The following USP8 variants were observed in gnomAD, a reference collection of about 807,000 sequenced individuals.
USP8 encodes ubiquitin carboxyl-terminal hydrolase 8.
USP8 carries 27 observed loss-of-function variants against 130.0 expected under a neutral mutation model. That is an observed-to-expected ratio of 0.21 (90% confidence interval 0.15 to 0.29). USP8 has a LOEUF of 0.29. USP8 is among the 10% of genes least tolerant of loss of function. The pLI is 1.00. For synonymous variants in USP8, 392 were observed against 444.1 expected (o/e 0.88, Z 1.48); for missense variants, 1,029 against 1,312.2 (o/e 0.78, Z 3.33).
chr15:50,433,356 G>C (rs1481114843), intron 1 of USP8, among the ~76,000 whole-genome samples: 9 of 152,218 alleles, frequency 5.9e-5, no homozygotes, highest in Non-Finnish European at 1.3e-4. Context: ...TATTGTTGCT[G>C]CCTAAGGGCA....
In USP8 at chr15:50,500,560, A is replaced by G; in HGVS notation, c.*1472A>G. On this transcript the variant is annotated 3_prime_UTR_variant, in exon 20 of 20. Coordinates refer to ENST00000307179, the MANE Select transcript of USP8 (RefSeq NM_005154.5). The stretch of plus-strand genomic sequence containing the variant: ...AAGGCATAAAAATGTTAATGATGCA[A>G]GTAAGTTCTAAGAGTTTAATGACCA... 2.0e-6 allele frequency: 1 copy of G among 498,058 alleles called. No individual in the cohort carries two copies. Among genetic ancestry groups the G allele is most frequent in the Middle Eastern group, 5.6e-4 (1 of 1,796 alleles). The allele number at this position is 498,058 out of a possible 1,614,324, so 30.9% of individuals were successfully genotyped here. A position where few individuals can be genotyped will look rare whatever the true frequency, so the allele number is the denominator to read the frequency against.
At chr15:50,483,655 G>A (rs1050951185) in intron 11 of USP8, among the ~76,000 whole-genome samples, 1 of 152,102 alleles carries the variant, frequency 6.6e-6, no homozygotes, top group African/African-American at 2.4e-5. Flanking sequence ...TTAGCCAGGT[G>A]TGGTGGCGGG....
At chr15:50,442,498 T>G (rs1329937819) in intron 3 of USP8, among the ~76,000 whole-genome samples, 2 of 111,484 alleles carry the variant, frequency 1.8e-5, no homozygotes, top group African/African-American at 2.9e-5. Flanking sequence ...ATCCCAGCAC[T>G]TTTAGGAGGC....
Position 50,508,950 on chromosome 15 carries a change from CG to C in USP8, c.*9864del, listed in dbSNP as rs2052700161. On this transcript the variant is annotated 3_prime_UTR_variant, in exon 20 of 20. Transcript: ENST00000307179. The stretch of plus-strand genomic sequence containing the variant: ...GAGATTGAGACCATCCTGGCTAACA[CG>C]GTGAAACCCCATCTCTATTAAAAAT... The C allele has an allele frequency of 6.6e-6, 1 of 151,446 alleles. No individual in the cohort carries two copies. Among genetic ancestry groups the C allele is most frequent in the Non-Finnish European group, 1.5e-5 (1 of 67,868 alleles). 9.4% of individuals were successfully genotyped at this position (151,446 alleles called of 1,614,324 possible).
chr15:50,498,471 A>T, intron 18 of USP8, 125 bp from the exon 19 acceptor site: 1 of 1,314,630 alleles, frequency 7.6e-7, no homozygotes, highest in Non-Finnish European at 1.0e-6. Context: ...CTCTACTACT[A>T]AAATTCCAAG....
Position 50,510,277 on chromosome 15 carries a change from G to A in USP8, c.*11189G>A, listed in dbSNP as rs1396438967. ...TGCAAAACAATTTAAATGTTTGGAA[G>A]ATATGTAGGTAAATATCTTTGTAAT... On this transcript the variant is annotated 3_prime_UTR_variant, in exon 20 of 20. Transcript: ENST00000307179. 1 of 152,154 alleles carries A rather than the reference G, an allele frequency of 6.6e-6. No homozygotes were observed. The highest frequency in any genetic ancestry group is 1.5e-5 in the Non-Finnish European group (1 of 68,018). The allele number at this position is 152,154 out of a possible 1,614,324, so 9.4% of individuals were successfully genotyped here. A position where few individuals can be genotyped will look rare whatever the true frequency, so the allele number is the denominator to read the frequency against.
intron 14 of USP8, among the ~76,000 whole-genome samples, chr15:50,490,913 T>TC (rs1441403027): frequency 6.6e-6 from 1 of 152,074 alleles, no homozygotes; most frequent in Non-Finnish European, 1.5e-5. Flanking sequence ...AAACTTTTTT[T>TC]CCCCTTAGCC....
At chr15:50,459,994 C>CT (rs781494248) in intron 5 of USP8, among the ~76,000 whole-genome samples, 12 of 119,004 alleles carry the variant, frequency 1.0e-4, no homozygotes, top group South Asian at 6.1e-4. Context: ...CCCACCCCCC[C>CT]CCTTTTTTTT....
In USP8 at chr15:50,505,538, CAATG is replaced by C. The variant is rs761297020; in HGVS notation, c.*6453_*6456del. 6.6e-5 allele frequency: 10 copies of C among 152,186 alleles called. No homozygotes were observed. The highest frequency in any genetic ancestry group is 2.6e-4 in the Admixed American group (4 of 15,276). The allele number at this position is 152,186 out of a possible 1,614,324, so 9.4% of individuals were successfully genotyped here. The stretch of plus-strand genomic sequence containing the variant: ...ATATGCCACATGAATTTTAAAAACT[CAATG>C]AAGGAAGAAGTGATACATAATAGAC... On this transcript the variant is annotated 3_prime_UTR_variant, in exon 20 of 20. Transcript: ENST00000307179.
intron 15 of USP8, chr15:50,493,851 G>T: frequency 1.4e-6 from 1 of 689,992 alleles, no homozygotes; most frequent in East Asian, 2.8e-5. Flanking sequence ...TTGATGATGA[G>T]GAGACCATGC....
At chr15:50,456,840 C>T (rs1350408812) in intron 4 of USP8, among the ~76,000 whole-genome samples, 1 of 152,072 alleles carries the variant, frequency 6.6e-6, no homozygotes, top group Non-Finnish European at 1.5e-5. Flanking sequence ...GAGCTGAGAT[C>T]ATGCCTCTGC....
At chr15:50,430,787 G>T (rs2049905149) in intron 1 of USP8, among the ~76,000 whole-genome samples, 1 of 152,112 alleles carries the variant, frequency 6.6e-6, no homozygotes, top group Non-Finnish European at 1.5e-5. Flanking sequence ...TACATCTTAA[G>T]ATGTTCCTTT....
intron 7 of USP8, among the ~76,000 whole-genome samples, chr15:50,467,538 G>A (rs1381002446): frequency 1.1e-4 from 16 of 152,022 alleles, no homozygotes; most frequent in African/African-American, 2.4e-5. Flanking sequence ...AGTGATTACT[G>A]TATTTTTTCA....
intron 7 of USP8, among the ~76,000 whole-genome samples, chr15:50,469,105 GTGTAGT>G (rs1160295569): frequency 2.0e-5 from 3 of 152,068 alleles, no homozygotes; most frequent in African/African-American, 7.2e-5. Context: ...TTGTTATTGT[GTGTAGT>G]TGTAGTTTGT....
intron 5 of USP8, among the ~76,000 whole-genome samples, chr15:50,459,501 T>C (rs2050911644): frequency 6.6e-6 from 1 of 152,090 alleles, no homozygotes; most frequent in African/African-American, 2.4e-5. Context: ...GGAGAATTGC[T>C]TGAACCCAGG....
At chr15:50,453,611 T>C (rs1420684048) in intron 4 of USP8, among the ~76,000 whole-genome samples, 1 of 152,226 alleles carries the variant, frequency 6.6e-6, no homozygotes, top group African/African-American at 2.4e-5. Context: ...GTTCTCTATA[T>C]GTCATTTAGG....
At chr15:50,471,607 C>T (rs1379188505) in intron 7 of USP8, 26 bp from the exon 8 acceptor site, 1 of 1,600,288 alleles carries the variant, frequency 6.2e-7, no homozygotes, top group Non-Finnish European at 8.5e-7. Flanking sequence ...GACTTTTGCC[C>T]CAATTTAAAT....
intron 1 of USP8, among the ~76,000 whole-genome samples, chr15:50,429,172 A>G (rs1035511426): frequency 3.9e-5 from 6 of 152,238 alleles, no homozygotes; most frequent in Admixed American, 1.3e-4. Context: ...AGGGGGGACT[A>G]CTACACTAAA....
chr15:50,438,469 C>G (rs2050152665), intron 1 of USP8, among the ~76,000 whole-genome samples: 1 of 152,202 alleles, frequency 6.6e-6, no homozygotes, highest in South Asian at 2.1e-4. Flanking sequence ...GCCTGGAATT[C>G]CAGCTACTTG....
Sources: allele counts gnomAD v4.1 joint callset (sites outside exome capture counted in the v4.1 genomes callset), GRCh38; gene constraint gnomAD v4.1.1; transcripts MANE v1.5; gene names NCBI Gene and HGNC (gene_info 2026-07-23, HGNC 2026-07-21).